Variants in EGF observed in about 807,000 individuals in gnomAD.
EGF encodes epidermal growth factor.
Under a neutral mutation model 143.8 loss-of-function variants are expected in EGF, and 95 were observed. The observed-to-expected ratio is 0.66, with a 90% confidence interval of 0.56 to 0.78. The LOEUF is 0.78. Among genes scored for constraint, EGF ranks in the 30% least tolerant of loss-of-function variants. The pLI, the probability that EGF is intolerant of heterozygous loss-of-function variation, is 0.00. For missense variants in EGF, 1,320 were observed against 1,470.9 expected (o/e 0.90, Z 1.68); for synonymous variants, 510 against 510.5 (o/e 1.00, Z 0.01).
At chr4:109,914,011 A>G (rs1308947195) in intron 1 of EGF, among the ~76,000 whole-genome samples, 2 of 152,174 alleles carry the variant, frequency 1.3e-5, no homozygotes, top group Non-Finnish European at 2.9e-5. Context: ...TGAGGCTCTG[A>G]CACAACTCCG....
rs939450292 is a variant in EGF at position 109,980,210 on chromosome 4, T to G, written c.2221+71T>G. The G allele has an allele frequency of 1.7e-5, 25 of 1,478,422 alleles. No homozygotes were observed. In the East Asian group the frequency reaches 4.9e-4, roughly 29 times the overall value. The allele number at this position is 1,478,422 out of a possible 1,614,324, so 91.6% of individuals were successfully genotyped here. On this transcript the variant is annotated intron_variant, in intron 14 of 23. Coordinates refer to ENST00000265171, the MANE Select transcript of EGF (RefSeq NM_001963.6). ...CAACTGTTTTAATTGTTTGATGTCA[T>G]GCAGTTGGCGGGGGGGTGGAGGGGA...
At chr4:109,954,129 G>T (rs1182385220) in intron 5 of EGF, among the ~76,000 whole-genome samples, 1 of 152,016 alleles carries the variant, frequency 6.6e-6, no homozygotes, top group East Asian at 2.0e-4. Flanking sequence ...TTGGCTCACT[G>T]CAACCTCCGC....
At chr4:109,920,509 A>C (rs1163259457) in intron 1 of EGF, among the ~76,000 whole-genome samples, 1 of 151,574 alleles carries the variant, frequency 6.6e-6, no homozygotes, top group African/African-American at 2.4e-5. Context: ...ATCTCTCAGA[A>C]AGGTCTAGGT....
intron 1 of EGF, among the ~76,000 whole-genome samples, chr4:109,933,374 C>T (rs1184665670): frequency 6.6e-6 from 1 of 151,772 alleles, no homozygotes; most frequent in Non-Finnish European, 1.5e-5. Flanking sequence ...CTATTTCAAA[C>T]TCTCATAATC....
At chr4:109,952,052 C>T (rs1285706053) in intron 5 of EGF, among the ~76,000 whole-genome samples, 2 of 152,170 alleles carry the variant, frequency 1.3e-5, no homozygotes, top group Non-Finnish European at 2.9e-5. Context: ...ATGAATCTCA[C>T]ATTTTTTGTT....
rs367932543 is a variant in EGF at position 109,968,959 on chromosome 4, T to C, written c.1576-12T>C. On this transcript the variant is annotated splice_polypyrimidine_tract_variant and intron_variant, in intron 10 of 23. Transcript: ENST00000265171. Reference sequence around the variant, plus strand: ...AAAAAAAAATCAGAAATGCCTGTGTTCTCTTTTGTAGATATACTTTGCCCA... The same window carrying C: ...AAAAAAAAATCAGAAATGCCTGTGTCCTCTTTTGTAGATATACTTTGCCCA... 3.5e-5 allele frequency: 56 copies of C among 1,614,112 alleles called. No homozygotes were observed. The South Asian group carries it at 3.6e-4, about 10-fold the overall frequency.
In EGF at chr4:109,959,308, T is replaced by G. The variant is rs756145526; in HGVS notation, c.941-4T>G. 9 of 1,613,880 alleles carry G rather than the reference T, an allele frequency of 5.6e-6. No homozygotes were observed. The highest frequency in any genetic ancestry group is 1.1e-5 in the South Asian group (1 of 91,082). ...CACTCCAAATAAAGCATCTTCTCTT[T>G]TAGAGCAGAAACTTTGCAAATTGAG... On this transcript the variant is annotated splice_region_variant and splice_polypyrimidine_tract_variant and intron_variant, in intron 5 of 23. Transcript: ENST00000265171.
At chr4:109,997,863 T>TA (rs879790197) in intron 20 of EGF, among the ~76,000 whole-genome samples, 5 of 151,928 alleles carry the variant, frequency 3.3e-5, no homozygotes, top group East Asian at 1.9e-4. Flanking sequence ...ACCCTGTCCA[T>TA]AAAAAAATAA....
intron 10 of EGF, among the ~76,000 whole-genome samples, chr4:109,967,945 CA>C (rs768720336): frequency 9.9e-5 from 15 of 152,016 alleles, no homozygotes; most frequent in Admixed American, 5.2e-4. Flanking sequence ...GGGCACTTAC[CA>C]TGAATGAAAC....
intron 5 of EGF, among the ~76,000 whole-genome samples, chr4:109,957,760 C>T (rs1050855239): frequency 6.6e-6 from 1 of 152,174 alleles, no homozygotes; most frequent in African/African-American, 2.4e-5. Context: ...TCCTTAGGTC[C>T]TCAGCTTTTC....
chr4:109,932,956 A>G (rs1740056160), intron 1 of EGF, among the ~76,000 whole-genome samples: 1 of 152,202 alleles, frequency 6.6e-6, no homozygotes. Flanking sequence ...GACAAGTTAT[A>G]CCAATGTTCC....
chr4:109,929,754 G>A (rs545966685), intron 1 of EGF, among the ~76,000 whole-genome samples: 15 of 151,988 alleles, frequency 9.9e-5, no homozygotes, highest in Non-Finnish European at 2.1e-4. Flanking sequence ...AAATCTCCTG[G>A]CTCTTCTTTC....
chr4:109,940,733 T>C (rs1741783240), intron 1 of EGF: 2 of 549,484 alleles, frequency 3.6e-6, no homozygotes, highest in Non-Finnish European at 6.4e-6. Context: ...CCAATGTTCA[T>C]GTCTTATAAT....
intron 1 of EGF, among the ~76,000 whole-genome samples, chr4:109,918,058 T>C (rs2125925896): frequency 6.6e-6 from 1 of 152,372 alleles, no homozygotes; most frequent in Non-Finnish European, 1.5e-5. Context: ...CATGAACATG[T>C]GTATGTAATG....
intron 1 of EGF, among the ~76,000 whole-genome samples, chr4:109,918,218 T>C (rs1290070437): frequency 6.6e-6 from 1 of 151,936 alleles, no homozygotes. Context: ...TTTTCTTCAC[T>C]ATAAGCTCTG....
In EGF at chr4:109,962,464, G is replaced by A. The variant is rs11568946; in HGVS notation, c.1312+479G>A. 0.013 allele frequency among the ~76,000 whole-genome samples: 1,977 copies of A among 152,292 alleles called. 205 individuals carry two copies. In the East Asian group the frequency reaches 0.23, roughly 18 times the overall value. ...GTAACTCAGAATTAGCAGAAGAATT[G>A]TGTGTGTGTTTTTGATTTTCTAATA... On this transcript the variant is annotated intron_variant, in intron 8 of 23. Coordinates refer to ENST00000265171, the MANE Select transcript of EGF (RefSeq NM_001963.6).
chr4:109,926,712 G>T (rs1026161121), intron 1 of EGF, among the ~76,000 whole-genome samples: 3 of 152,076 alleles, frequency 2.0e-5, no homozygotes, highest in Admixed American at 6.5e-5. Flanking sequence ...ACAATTTTTG[G>T]CTTTTTAAAA....
At chr4:109,962,522 G>GA (rs11568947) in intron 8 of EGF, among the ~76,000 whole-genome samples, 252 of 152,216 alleles carry the variant, frequency 1.7e-3, no homozygotes, top group African/African-American at 5.8e-3. Context: ...ATGTGTGAGA[G>GA]AAAAAAATTA....
intron 22 of EGF, among the ~76,000 whole-genome samples, chr4:110,005,034 G>GT (rs1753076182): frequency 8.8e-6 from 1 of 113,048 alleles, no homozygotes; most frequent in Non-Finnish European, 1.8e-5. Context: ...CTTTTTCTCT[G>GT]TCTTTTTTTT....
Sources: gnomAD v4.1 joint callset for allele counts (sites outside exome capture counted in the v4.1 genomes callset) on GRCh38, gnomAD v4.1.1 for gene constraint, MANE v1.5 for transcripts, NCBI Gene and HGNC (gene_info 2026-07-23, HGNC 2026-07-21) for gene names.